ATP10B: variants seen among roughly 807,000 people sequenced by gnomAD.
ATP10B encodes the protein phospholipid-transporting ATPase VB.
A neutral mutation model predicts 141.2 loss-of-function variants in ATP10B; 122 were observed. The observed-to-expected ratio is 0.86, with a 90% confidence interval of 0.75 to 1.00. ATP10B has a LOEUF of 1.00. Among genes scored for constraint, ATP10B ranks in the 50% least tolerant of loss-of-function variants. The probability of loss-of-function intolerance (pLI) is 0.00; values close to 1 mark genes in which losing one functional copy is unlikely to be tolerated. For missense variants in ATP10B, 1,876 were observed against 1,825.3 expected, an observed-to-expected ratio of 1.03 and a Z score of -0.51; for synonymous variants, 685 against 692.0, an observed-to-expected ratio of 0.99 and a Z score of 0.16.
intron 2 of ATP10B, among the ~76,000 whole-genome samples, chr5:160,722,544 T>C (rs1210168571): frequency 6.6e-6 from 1 of 152,000 alleles, no homozygotes; most frequent in African/African-American, 2.4e-5. Context: ...GCAGCAAGCA[T>C]GTCAAAACAC....
chr5:160,640,664 T>G, intron 9 of ATP10B, 72 bp from the exon 10 acceptor site: 9 of 1,542,396 alleles, frequency 5.8e-6, no homozygotes, highest in Non-Finnish European at 7.9e-6. Context: ...CCCTCAGCTC[T>G]TCTCACAGGA....
At chr5:160,697,002 T>C (rs1309043348) in intron 3 of ATP10B, among the ~76,000 whole-genome samples, 2 of 152,338 alleles carry the variant, frequency 1.3e-5, no homozygotes, top group East Asian at 3.9e-4. Context: ...GATTTCTCTG[T>C]AGAACTTGTC....
chr5:160,720,088 G>A lies in ATP10B; in HGVS notation c.-330-3054C>T, dbSNP rs868323882. On this transcript the variant is annotated intron_variant, in intron 2 of 25. Coordinates refer to ENST00000327245, the MANE Select transcript of ATP10B (RefSeq NM_025153.3). Reference sequence around the variant, plus strand: ...GCATTGGTGATTTTATGGCTACTCTGAATTTACTTGAATTGCAACTGCTAA... The same window carrying A: ...GCATTGGTGATTTTATGGCTACTCTAAATTTACTTGAATTGCAACTGCTAA... Among the ~76,000 whole-genome samples the A allele has an allele frequency of 2.8e-4, 43 of 152,310 alleles. No homozygotes were observed. The Middle Eastern group carries it at 0.017, about 61-fold the overall frequency.
chr5:160,888,320 A>G, the ATP10B span, among the ~76,000 whole-genome samples: 3 of 152,202 alleles, frequency 2.0e-5, no homozygotes, highest in African/African-American at 7.2e-5. Context: ...AATCCTGAAA[A>G]TGCAGCAGAG....
chr5:160,869,406 C>G, the ATP10B span, among the ~76,000 whole-genome samples: 4 of 151,858 alleles, frequency 2.6e-5, no homozygotes, highest in African/African-American at 9.7e-5. Flanking sequence ...ATTTAAAAAG[C>G]CTGATTTCTA....
chr5:160,596,717 G>A (rs1260496709), intron 22 of ATP10B, among the ~76,000 whole-genome samples: 6 of 151,930 alleles, frequency 3.9e-5, no homozygotes, highest in Admixed American at 3.3e-4. Flanking sequence ...AAATCAATGT[G>A]CGAAAATCAC....
chr5:160,704,213 G>A (rs1561771708), intron 3 of ATP10B, among the ~76,000 whole-genome samples: 2 of 151,384 alleles, frequency 1.3e-5, no homozygotes, highest in Non-Finnish European at 2.9e-5. Flanking sequence ...TACCATGCGT[G>A]GCTATTTTTT....
intron 6 of ATP10B, chr5:160,684,829 C>T (rs1232720484): frequency 2.9e-6 from 2 of 678,094 alleles, no homozygotes; most frequent in South Asian, 1.6e-5. Flanking sequence ...GAGTTTTTTG[C>T]TTTACCTGCT....
At chr5:160,888,620 A>T in the ATP10B span, among the ~76,000 whole-genome samples, 1 of 152,194 alleles carries the variant, frequency 6.6e-6, no homozygotes, top group African/African-American at 2.4e-5. Context: ...GGCAGAGGCA[A>T]GCAGCAAAAC....
chr5:160,920,948 T>C, the ATP10B span, among the ~76,000 whole-genome samples: 1 of 152,204 alleles, frequency 6.6e-6, no homozygotes, highest in Non-Finnish European at 1.5e-5. Context: ...CTAGTCTTTT[T>C]TCTCTCTTTT....
At chr5:160,755,708 G>A (rs1268863966) in intron 2 of ATP10B, among the ~76,000 whole-genome samples, 15 of 147,392 alleles carry the variant, frequency 1.0e-4, no homozygotes, top group East Asian at 8.0e-4. Flanking sequence ...CCAGCTACGC[G>A]GGAAGCTGAG....
At chr5:160,861,495 G>A in the ATP10B span, among the ~76,000 whole-genome samples, 892 of 151,942 alleles carry the variant, frequency 5.9e-3, 11 homozygotes, top group African/African-American at 0.02. Flanking sequence ...ATAGCATTAG[G>A]TAAGTCACAA....
chr5:160,607,438 G>A (rs1757457469), intron 18 of ATP10B, among the ~76,000 whole-genome samples: 1 of 152,136 alleles, frequency 6.6e-6, no homozygotes, highest in Non-Finnish European at 1.5e-5. Context: ...ATTTCTCACA[G>A]GTCATTTAAG....
intron 16 of ATP10B, 66 bp downstream of exon 16, chr5:160,617,798 A>C: frequency 7.5e-7 from 1 of 1,328,034 alleles, no homozygotes; most frequent in South Asian, 1.2e-5. Flanking sequence ...AAAGAAAAAG[A>C]AGCAGGGTCA....
Position 160,699,511 on chromosome 5 carries a change from T to C in ATP10B, c.-204-10568A>G, listed in dbSNP as rs555060205. 2.6e-5 allele frequency among the ~76,000 whole-genome samples: 4 copies of C among 152,308 alleles called. No homozygotes were observed. The South Asian group carries it at 8.3e-4, about 32-fold the overall frequency. The stretch of plus-strand genomic sequence containing the variant: ...GGTCTGTGAGTTACATACCAATTAG[T>C]ACACCCCGGAAGAACTGAGGTGGGG... On this transcript the variant is annotated intron_variant, in intron 3 of 25. Transcript: ENST00000327245.
rs1204191517 is a variant in ATP10B at position 160,819,185 on chromosome 5, A to G, written c.-576+32756T>C. Among the ~76,000 whole-genome samples, 4 of 152,146 alleles carry G rather than the reference A, an allele frequency of 2.6e-5. No homozygotes were observed. The East Asian group carries it at 7.7e-4, about 29-fold the overall frequency. ...AAGGAATCTTAAAAGCAGCAAGATA[A>G]AAGAAACAAATCACATACAATGGAG... On this transcript the variant is annotated intron_variant, in intron 1 of 25. Transcript: ENST00000327245.
chr5:160,586,730 G>A (rs1755929104), intron 24 of ATP10B, among the ~76,000 whole-genome samples: 1 of 152,180 alleles, frequency 6.6e-6, no homozygotes, highest in African/African-American at 2.4e-5. Context: ...GATCAGTGAT[G>A]TTGAGCTTTT....
At chr5:160,902,315 G>T in the ATP10B span, among the ~76,000 whole-genome samples, 1 of 152,156 alleles carries the variant, frequency 6.6e-6, no homozygotes, top group Non-Finnish European at 1.5e-5. Context: ...TGGGCACGAG[G>T]GTTGAAGGAC....
intron 25 of ATP10B, among the ~76,000 whole-genome samples, chr5:160,568,569 G>T: frequency 6.6e-6 from 1 of 152,210 alleles, no homozygotes; most frequent in Non-Finnish European, 1.5e-5. Flanking sequence ...TCACTGCTCT[G>T]ACTAGAGAGA....
Sources: allele counts gnomAD v4.1 joint callset (sites outside exome capture counted in the v4.1 genomes callset), GRCh38; gene constraint gnomAD v4.1.1; transcripts MANE v1.5; gene names NCBI Gene and HGNC (gene_info 2026-07-23, HGNC 2026-07-21).